CREB1: variants seen among roughly 807,000 people sequenced by gnomAD.
CREB1 encodes the protein cAMP responsive element binding protein 1.
CREB1 carries 2 observed loss-of-function variants against 42.0 expected under a neutral mutation model. The observed-to-expected ratio is 0.05, with a 90% CI of 0.02 to 0.15. The LOEUF (loss-of-function observed/expected upper bound fraction) is 0.15. Ranked by LOEUF, CREB1 falls within the 10% of genes least tolerant of loss-of-function variation. CREB1 has a pLI of 1.00. For missense variants in CREB1, 199 were observed against 388.9 expected, an observed-to-expected ratio of 0.51 and a Z score of 4.11; for synonymous variants, 123 against 139.9, an observed-to-expected ratio of 0.88 and a Z score of 0.85.
intron 7 of CREB1, among the ~76,000 whole-genome samples, chr2:207,590,082 A>AT (rs1201693112): frequency 3.7e-4 from 35 of 95,546 alleles, no homozygotes; most frequent in East Asian, 2.0e-3. Context: ...TATTTTGAGA[A>AT]GTTTTTTTTT....
chr2:207,557,089 G>C (rs1317494316), intron 2 of CREB1, among the ~76,000 whole-genome samples: 39 of 152,052 alleles, frequency 2.6e-4, no homozygotes, highest in Middle Eastern at 3.2e-3. Flanking sequence ...AGTGAACTGA[G>C]ATTGCGCCAC....
intron 2 of CREB1, among the ~76,000 whole-genome samples, chr2:207,557,065 G>A (rs1255668147): frequency 1.3e-5 from 2 of 152,056 alleles, no homozygotes; most frequent in Admixed American, 6.6e-5. Context: ...TTAAGTCCGG[G>A]AGGCAGAGGT....
At position 207,544,761 on chromosome 2, in the gene CREB1, C is replaced by T. The variant is rs374049297; in HGVS notation, c.-8-10867C>T. ...CCCCAGTGTGTGTTGTCCCCCCAACCACCGATGTGTCCATGTGTTCTCATC... is the reference window on the plus strand; with the variant it reads ...CCCCAGTGTGTGTTGTCCCCCCAACTACCGATGTGTCCATGTGTTCTCATC... On this transcript the variant is annotated intron_variant, in intron 1 of 7. Transcript: ENST00000353267. 3.9e-4 allele frequency among the ~76,000 whole-genome samples: 59 copies of T among 152,268 alleles called. No homozygotes were observed. The East Asian group carries it at 0.01, about 26-fold the overall frequency.
At position 207,595,136 on chromosome 2, in the gene CREB1, C is replaced by T. The variant is rs188223830; in HGVS notation, c.840-1778C>T. ...TCAGCCTCCTGAGTAGCTGGGACTA[C>T]AGGCACCCACCACCATACCTGGCTA... On this transcript the variant is annotated intron_variant, in intron 7 of 7. Transcript: ENST00000353267. Among the ~76,000 whole-genome samples the T allele has an allele frequency of 1.8e-3, 270 of 151,806 alleles. 2 individuals are homozygous for T. Among genetic ancestry groups the T allele is most frequent in the African/African-American group, 6.3e-3 (262 of 41,372 alleles).
At chr2:207,572,952 A>G (rs1274702796) in intron 5 of CREB1, among the ~76,000 whole-genome samples, 1 of 152,176 alleles carries the variant, frequency 6.6e-6, no homozygotes, top group Admixed American at 6.5e-5. Context: ...TTTATCTGTT[A>G]CTTATTAGTT....
intron 1 of CREB1, among the ~76,000 whole-genome samples, chr2:207,543,805 A>T (rs547765065): frequency 2.0e-5 from 3 of 152,070 alleles, no homozygotes; most frequent in Non-Finnish European, 1.5e-5. Flanking sequence ...GGGTTTCACC[A>T]TGTTGGTCAG....
At chr2:207,579,304 C>A (rs2254137) in intron 7 of CREB1, among the ~76,000 whole-genome samples, 86,413 of 151,936 alleles carry the variant, frequency 0.57, 25,741 homozygotes, top group Middle Eastern at 0.7. Context: ...GTCTCAAGCA[C>A]AGGCTGAGTA....
intron 2 of CREB1, among the ~76,000 whole-genome samples, chr2:207,556,148 T>A (rs1023840173): frequency 6.6e-6 from 1 of 152,164 alleles, no homozygotes; most frequent in African/African-American, 2.4e-5. Context: ...ATAACTAAAC[T>A]AAAAATTAGG....
chr2:207,555,724 A>G lies in CREB1; in HGVS notation c.89A>G (p.Gln30Arg), dbSNP rs1327500450. The G allele has an allele frequency of 6.2e-7, 1 of 1,613,314 alleles. No individual in the cohort carries two copies. ...AENQQMTVQA[Q>R]PQIATLAQVS... ...AACCAACAAATGACAGTTCAAGCCC[A>G]GCCACAGATTGCCACATTAGCCCAG... Residue 30 changes from glutamine to arginine, a missense_variant, in exon 2 of 8, where the codon CAG (glutamine) becomes CGG (arginine). Gln to Arg is a conservative substitution (Grantham distance 43, BLOSUM62 1). Around this residue, in one of 4 missense-constraint regions of CREB1, gnomAD observed 53 missense variants for 57.1 expected, o/e 0.93. Coordinates refer to ENST00000353267, the MANE Select transcript of CREB1 (RefSeq NM_004379.5).
Position 207,604,593 on chromosome 2 carries a change from T to A in CREB1, c.*7535T>A, listed in dbSNP as rs2087751758. Among the ~76,000 whole-genome samples the A allele has an allele frequency of 6.6e-6, 1 of 152,232 alleles. No homozygotes were observed. Among genetic ancestry groups the A allele is most frequent in the African/African-American group, 2.4e-5 (1 of 41,448 alleles). On this transcript the variant is annotated 3_prime_UTR_variant, in exon 8 of 8. Transcript: ENST00000353267. ...CCAGGAGTTGGAATGTTATCCTTGT[T>A]TTTAATTAAGATGCAATTCACATAA...
In CREB1 at chr2:207,600,115, A is replaced by G. The variant is rs964017958; in HGVS notation, c.*3057A>G. The G allele has an allele frequency of 3.8e-5, 7 of 184,634 alleles. No individual in the cohort carries two copies. Among genetic ancestry groups the G allele is most frequent in the Non-Finnish European group, 6.9e-5 (6 of 87,174 alleles). 11.4% of individuals were successfully genotyped at this position (184,634 alleles called of 1,614,324 possible). ...TTCATTATTAAATAATTGCTATCAG[A>G]TACAATTTTAAGTTCATTCTTTTTC... On this transcript the variant is annotated 3_prime_UTR_variant, in exon 8 of 8. Transcript: ENST00000353267.
At position 207,551,514 on chromosome 2, in the gene CREB1, A is replaced by T. The variant is rs1336761085; in HGVS notation, c.-8-4114A>T. Among the ~76,000 whole-genome samples, 5 of 152,164 alleles carry T rather than the reference A, an allele frequency of 3.3e-5. 1 individual carries two copies. The highest frequency in any genetic ancestry group is 6.5e-5 in the Admixed American group (1 of 15,272). Reference sequence around the variant, plus strand: ...TAATAGTATGACTTGTAGTTTTTTTAAAAAATGCTAATAATCTCAGGTTGT... The same window carrying T: ...TAATAGTATGACTTGTAGTTTTTTTTAAAAATGCTAATAATCTCAGGTTGT... On this transcript the variant is annotated intron_variant, in intron 1 of 7. Transcript: ENST00000353267.
chr2:207,592,868 G>T (rs1024825433), intron 7 of CREB1, among the ~76,000 whole-genome samples: 3 of 150,680 alleles, frequency 2.0e-5, no homozygotes, highest in African/African-American at 7.3e-5. Context: ...AGTCCAGATT[G>T]CACCACTGCA....
intron 3 of CREB1, among the ~76,000 whole-genome samples, 169 bp downstream of exon 3, chr2:207,560,541 A>G (rs984144537): frequency 6.6e-6 from 1 of 152,242 alleles, no homozygotes; most frequent in Non-Finnish European, 1.5e-5. Flanking sequence ...GAACATATAT[A>G]CAGAAGAACA....
At chr2:207,592,879 C>T (rs1390809711) in intron 7 of CREB1, among the ~76,000 whole-genome samples, 1 of 93,312 alleles carries the variant, frequency 1.1e-5, no homozygotes, top group African/African-American at 4.2e-5. Flanking sequence ...CACCACTGCA[C>T]TCCAGCCTGG....
chr2:207,590,190 A>G (rs1322949843), intron 7 of CREB1, among the ~76,000 whole-genome samples: 1 of 148,628 alleles, frequency 6.7e-6, no homozygotes, highest in Non-Finnish European at 1.5e-5. Flanking sequence ...CCATTTCTTC[A>G]AAGTTATCAA....
At chr2:207,566,370 A>G (rs1406698950) in intron 3 of CREB1, among the ~76,000 whole-genome samples, 5 of 152,228 alleles carry the variant, frequency 3.3e-5, no homozygotes, top group African/African-American at 7.2e-5. Context: ...GTTAAGTATA[A>G]TTCTTACTCT....
rs997858224 is a variant in CREB1, at chr2:207,598,939, T to C, written c.*1881T>C. 5.5e-6 allele frequency: 1 copy of C among 183,020 alleles called. No homozygotes were observed. Among genetic ancestry groups the C allele is most frequent in the Non-Finnish European group, 1.2e-5 (1 of 86,184 alleles). 11.3% of individuals were successfully genotyped at this position (183,020 alleles called of 1,614,324 possible). ...TAATGTTTTATATTTAGTCAAGAGT[T>C]ATTTAAGAAAGTCAAGCTTGTTTAA... On this transcript the variant is annotated 3_prime_UTR_variant, in exon 8 of 8. Coordinates refer to ENST00000353267, the MANE Select transcript of CREB1 (RefSeq NM_004379.5).
intron 2 of CREB1, among the ~76,000 whole-genome samples, chr2:207,558,709 A>T (rs1378951652): frequency 6.8e-6 from 1 of 146,562 alleles, no homozygotes; most frequent in Non-Finnish European, 1.5e-5. Context: ...CAATGGCGCG[A>T]TCTCGGCTCA....
Sources: allele counts gnomAD v4.1 joint callset (sites outside exome capture counted in the v4.1 genomes callset), GRCh38; gene constraint gnomAD v4.1.1; regional missense constraint gnomAD v4.1.1; transcripts MANE v1.5; gene names NCBI Gene and HGNC (gene_info 2026-07-23, HGNC 2026-07-21).